The following UBR3 variants were observed in gnomAD, a reference collection of about 807,000 sequenced individuals.
UBR3 encodes E3 ubiquitin-protein ligase UBR3.
UBR3 carries 85 observed loss-of-function variants against 243.2 expected under a neutral mutation model. The ratio of observed to expected loss-of-function variants is 0.35; its 90% CI spans 0.29 to 0.42. The LOEUF (loss-of-function observed/expected upper bound fraction) is 0.42. UBR3 is among the 10% of genes least tolerant of loss of function. The pLI, the probability that UBR3 is intolerant of heterozygous loss-of-function variation, is 1.00. For missense variants in UBR3, 1,686 were observed against 2,300.8 expected, an observed-to-expected ratio of 0.73 and a Z score of 5.47; for synonymous variants, 748 against 799.8, an observed-to-expected ratio of 0.94 and a Z score of 1.09.
At chr2:169,953,431 T>C (rs915968696) in intron 23 of UBR3, among the ~76,000 whole-genome samples, 1 of 152,190 alleles carries the variant, frequency 6.6e-6, no homozygotes, top group Non-Finnish European at 1.5e-5. Flanking sequence ...ATTAACTTAA[T>C]AGAAAACAAG....
At chr2:170,069,777 T>G (rs1574478430) in intron 35 of UBR3, among the ~76,000 whole-genome samples, 1 of 152,182 alleles carries the variant, frequency 6.6e-6, no homozygotes, top group East Asian at 1.9e-4. Flanking sequence ...TAATATTTCA[T>G]GTGTATACAG....
At chr2:169,996,541 T>G (rs1301559732) in intron 26 of UBR3, among the ~76,000 whole-genome samples, 2 of 152,150 alleles carry the variant, frequency 1.3e-5, no homozygotes, top group Non-Finnish European at 2.9e-5. Context: ...GGTTAGGTAA[T>G]AAGGGTCATG....
intron 30 of UBR3, among the ~76,000 whole-genome samples, chr2:170,025,321 A>C (rs1272522246): frequency 6.6e-6 from 1 of 152,158 alleles, no homozygotes; most frequent in Non-Finnish European, 1.5e-5. Flanking sequence ...TGCATAAAGT[A>C]AGGGGATAAT....
intron 11 of UBR3, among the ~76,000 whole-genome samples, chr2:169,920,575 G>A (rs1243002913): frequency 1.3e-5 from 2 of 152,164 alleles, no homozygotes; most frequent in East Asian, 3.9e-4. Context: ...CCTGTCGCCT[G>A]CCTTTGCTTT....
At chr2:169,863,590 C>G (rs933040283) in intron 1 of UBR3, among the ~76,000 whole-genome samples, 9 of 152,140 alleles carry the variant, frequency 5.9e-5, no homozygotes, top group African/African-American at 1.9e-4. Flanking sequence ...TACTTCCTGC[C>G]TTATTTTTAA....
intron 10 of UBR3, among the ~76,000 whole-genome samples, chr2:169,907,701 A>G (rs768446041): frequency 1.3e-5 from 2 of 152,136 alleles, no homozygotes; most frequent in Admixed American, 6.6e-5. Flanking sequence ...TGTTTTTCCT[A>G]TAGAGACATT....
At chr2:169,989,765 C>T (rs567964202) in intron 25 of UBR3, among the ~76,000 whole-genome samples, 1 of 152,238 alleles carries the variant, frequency 6.6e-6, no homozygotes, top group South Asian at 2.1e-4. Context: ...TTAGTACTTT[C>T]AGGTATCATT....
At chr2:169,881,926 T>A (rs2083867942) in intron 5 of UBR3, among the ~76,000 whole-genome samples, 1 of 93,894 alleles carries the variant, frequency 1.1e-5, no homozygotes, top group Non-Finnish European at 2.4e-5. Context: ...TGTATACATG[T>A]ATACATATAA....
chr2:169,858,660 G>A (rs2082975774), intron 1 of UBR3, among the ~76,000 whole-genome samples: 1 of 151,738 alleles, frequency 6.6e-6, no homozygotes, highest in Non-Finnish European at 1.5e-5. Context: ...AATGCAATGG[G>A]GTGATCTCAG....
At chr2:169,861,777 CTT>C (rs1206696874) in intron 1 of UBR3, among the ~76,000 whole-genome samples, 1 of 152,078 alleles carries the variant, frequency 6.6e-6, no homozygotes, top group East Asian at 1.9e-4. Context: ...TAAGCTGTCT[CTT>C]CTACACAATT....
chr2:170,038,559 A>C (rs2090887126), intron 31 of UBR3, among the ~76,000 whole-genome samples: 1 of 152,180 alleles, frequency 6.6e-6, no homozygotes, highest in South Asian at 2.1e-4. Flanking sequence ...TGAATACTTA[A>C]AGGCAGTGGC....
intron 24 of UBR3, among the ~76,000 whole-genome samples, chr2:169,970,235 G>GTTTTT (rs531832498): frequency 2.3e-4 from 20 of 85,574 alleles, no homozygotes; most frequent in Non-Finnish European, 3.0e-4. Context: ...TTGTTCCTAG[G>GTTTTT]TTTTTTTTTT....
intron 22 of UBR3, 40 bp downstream of exon 22, chr2:169,947,755 A>G (rs1328961300): frequency 1.4e-6 from 2 of 1,383,034 alleles, no homozygotes; most frequent in South Asian, 1.9e-5. Flanking sequence ...AAAAAGCTTT[A>G]TGTTATGTAT....
intron 38 of UBR3, 47 bp downstream of exon 38, chr2:170,080,731 A>G (rs898973788): frequency 6.3e-7 from 1 of 1,580,932 alleles, no homozygotes; most frequent in Non-Finnish European, 8.6e-7. Context: ...AAATTTGGTC[A>G]GTGAAAACCA....
intron 10 of UBR3, among the ~76,000 whole-genome samples, chr2:169,910,930 G>C (rs2085229233): frequency 6.6e-6 from 1 of 152,062 alleles, no homozygotes; most frequent in Non-Finnish European, 1.5e-5. Flanking sequence ...GGGTTTAGAA[G>C]TATAAACTAG....
At chr2:170,077,352 A>G in intron 36 of UBR3, 1 of 920,612 alleles carries the variant, frequency 1.1e-6, no homozygotes, top group Non-Finnish European at 1.8e-6. Flanking sequence ...CAGTAACAGT[A>G]CCTTTGGTAA....
At chr2:169,855,293 G>A (rs1341491287) in intron 1 of UBR3, among the ~76,000 whole-genome samples, 1 of 151,632 alleles carries the variant, frequency 6.6e-6, no homozygotes, top group Non-Finnish European at 1.5e-5. Flanking sequence ...ACGCTAATTT[G>A]TACTCCTTCC....
chr2:169,956,697 C>G lies in UBR3; in HGVS notation c.3546-1741C>G, dbSNP rs144529609. On this transcript the variant is annotated intron_variant, in intron 23 of 38. Coordinates refer to ENST00000272793, the MANE Select transcript of UBR3 (RefSeq NM_172070.4). ...TAACTTCTCATGGTAAAGTGGACCA[C>G]AGAACTTGACTTTGTAGTTGCTCCT... is the stretch of plus-strand genomic sequence containing the variant. 7.0e-4 allele frequency among the ~76,000 whole-genome samples: 107 copies of G among 152,242 alleles called. 2 individuals carry two copies. The East Asian group carries it at 0.018, about 26-fold the overall frequency.
rs151305114 is a variant in UBR3, at chr2:169,954,654, C to T, written c.3546-3784C>T. On this transcript the variant is annotated intron_variant, in intron 23 of 38. Coordinates refer to ENST00000272793, the MANE Select transcript of UBR3 (RefSeq NM_172070.4). ...GCAGTGGCGCGATCTCAGCTCACTG[C>T]AACCTCTGCCTCCTAGGTTCAAACA... Among the ~76,000 whole-genome samples the T allele has an allele frequency of 7.2e-3, 1,081 of 150,806 alleles. 2 individuals are homozygous for T. The highest frequency in any genetic ancestry group is 0.025 in the South Asian group (119 of 4,754).
Sources: gnomAD v4.1 joint callset for allele counts (sites outside exome capture counted in the v4.1 genomes callset) on GRCh38, gnomAD v4.1.1 for gene constraint, MANE v1.5 for transcripts, NCBI Gene and HGNC (gene_info 2026-07-23, HGNC 2026-07-21) for gene names.